TMTC2: variants seen among roughly 807,000 people sequenced by gnomAD.
TMTC2 encodes protein O-mannosyl-transferase TMTC2.
TMTC2 carries 43 observed loss-of-function variants against 82.4 expected under a neutral mutation model. The observed-to-expected ratio is 0.52, with a 90% CI of 0.41 to 0.67. The LOEUF (loss-of-function observed/expected upper bound fraction) is 0.67, where lower values mean the gene tolerates loss of function less well. Among genes scored for constraint, TMTC2 ranks in the 30% least tolerant of loss-of-function variants. The probability of loss-of-function intolerance (pLI) is 0.00; values close to 1 mark genes in which losing one functional copy is unlikely to be tolerated. For missense variants in TMTC2, 919 were observed against 1,012.4 expected, an observed-to-expected ratio of 0.91 and a Z score of 1.25; for synonymous variants, 408 against 381.9, an observed-to-expected ratio of 1.07 and a Z score of -0.80.
At chr12:82,900,546 G>A (rs1873928982) in intron 3 of TMTC2, among the ~76,000 whole-genome samples, 1 of 127,478 alleles carries the variant, frequency 7.8e-6, no homozygotes, top group Admixed American at 8.8e-5. Flanking sequence ...ATACATATCC[G>A]GAATATAGAT....
At chr12:82,750,084 G>A (rs973075671) in intron 1 of TMTC2, among the ~76,000 whole-genome samples, 1 of 151,990 alleles carries the variant, frequency 6.6e-6, no homozygotes, top group Non-Finnish European at 1.5e-5. Context: ...GAAGAGAAGG[G>A]TTCTCACAGA....
intron 1 of TMTC2, among the ~76,000 whole-genome samples, chr12:82,716,206 C>T (rs1016947996): frequency 1.3e-5 from 2 of 152,122 alleles, no homozygotes. Context: ...ATACTGTCTT[C>T]TAAAGAGCAA....
intron 11 of TMTC2, among the ~76,000 whole-genome samples, chr12:83,117,998 T>C (rs1388737310): frequency 1.3e-5 from 2 of 152,174 alleles, no homozygotes; most frequent in Non-Finnish European, 2.9e-5. Flanking sequence ...GAAGAGCTAC[T>C]GATTTGTGTA....
rs541323410 is a variant in TMTC2 at position 82,910,369 on chromosome 12, C to G, written c.1483+13723C>G. On this transcript the variant is annotated intron_variant, in intron 3 of 11. Coordinates refer to ENST00000321196, the MANE Select transcript of TMTC2 (RefSeq NM_152588.3). ...CTGATCAAACCTCTAGGGGAACATA[C>G]GGACAGGCAGGCTCCAACCCCAGGC... Among the ~76,000 whole-genome samples, 169 of 152,262 alleles carry G rather than the reference C, an allele frequency of 1.1e-3. 1 individual carries two copies. Among genetic ancestry groups the G allele is most frequent in the Non-Finnish European group, 1.9e-3 (128 of 68,024 alleles).
intron 8 of TMTC2, among the ~76,000 whole-genome samples, chr12:82,993,966 G>A (rs2137353080): frequency 6.8e-6 from 1 of 147,382 alleles, no homozygotes; most frequent in South Asian, 2.1e-4. Context: ...AATGCTTGCA[G>A]ACAGGATGCT....
intron 11 of TMTC2, among the ~76,000 whole-genome samples, chr12:83,092,453 C>T (rs959617886): frequency 2.6e-5 from 4 of 152,262 alleles, no homozygotes; most frequent in Middle Eastern, 3.4e-3. Context: ...ATTCAGGTCA[C>T]GTTTCATTGG....
intron 1 of TMTC2, among the ~76,000 whole-genome samples, chr12:82,793,724 A>G (rs1878572239): frequency 6.6e-6 from 1 of 152,096 alleles, no homozygotes; most frequent in Admixed American, 6.6e-5. Context: ...GGAGTTTTCA[A>G]GTTGGAACAC....
At chr12:82,798,596 A>G (rs1203144065) in intron 1 of TMTC2, among the ~76,000 whole-genome samples, 3 of 151,698 alleles carry the variant, frequency 2.0e-5, no homozygotes, top group Admixed American at 6.6e-5. Context: ...ACTTGAGTTC[A>G]GGAGTTTTGA....
intron 4 of TMTC2, among the ~76,000 whole-genome samples, chr12:82,963,416 T>G (rs1878029946): frequency 6.6e-6 from 1 of 151,900 alleles, no homozygotes; most frequent in African/African-American, 2.4e-5. Flanking sequence ...ATTTCTCCCC[T>G]GGTGCACTTA....
rs140051289 is a variant in TMTC2 at position 83,075,567 on chromosome 12, T to A, written c.2331+13736T>A. Among the ~76,000 whole-genome samples, 382 of 152,298 alleles carry A rather than the reference T, an allele frequency of 2.5e-3. 3 individuals are homozygous for A. Among genetic ancestry groups the A allele is most frequent in the African/African-American group, 8.8e-3 (365 of 41,572 alleles). ...GATATCATTGAAACAAGACCTTTGATCTTAGGTTTATTCACACTTACCCAA... is the reference window on the plus strand; with the variant it reads ...GATATCATTGAAACAAGACCTTTGAACTTAGGTTTATTCACACTTACCCAA... On this transcript the variant is annotated intron_variant, in intron 11 of 11. Coordinates refer to ENST00000321196, the MANE Select transcript of TMTC2 (RefSeq NM_152588.3).
chr12:82,985,037 C>T (rs1282315328), intron 7 of TMTC2, among the ~76,000 whole-genome samples: 2 of 151,714 alleles, frequency 1.3e-5, no homozygotes, highest in Non-Finnish European at 1.5e-5. Flanking sequence ...TTTTATTAAT[C>T]ATAATTTTAA....
intron 1 of TMTC2, among the ~76,000 whole-genome samples, chr12:82,809,644 T>C (rs983452221): frequency 6.6e-6 from 1 of 152,144 alleles, no homozygotes; most frequent in African/African-American, 2.4e-5. Flanking sequence ...TTTTTCGTAC[T>C]ATTTACCTAT....
chr12:82,690,938 T>A (rs1872546365), intron 1 of TMTC2, among the ~76,000 whole-genome samples: 1 of 152,170 alleles, frequency 6.6e-6, no homozygotes. Context: ...ACTTTTTTCT[T>A]ATCCTTTTTA....
intron 4 of TMTC2, among the ~76,000 whole-genome samples, chr12:82,960,070 TCGA>T (rs2137293657): frequency 6.6e-6 from 1 of 152,130 alleles, no homozygotes; most frequent in East Asian, 1.9e-4. Flanking sequence ...TAAAAAATGC[TCGA>T]CATCACTCAT....
chr12:83,008,002 T>C (rs1190479895), intron 8 of TMTC2, among the ~76,000 whole-genome samples: 4 of 152,216 alleles, frequency 2.6e-5, no homozygotes, highest in Admixed American at 6.5e-5. Flanking sequence ...CGCAACCTTA[T>C]CCATAGGTAA....
At chr12:82,948,414 A>T (rs576379737) in intron 4 of TMTC2, among the ~76,000 whole-genome samples, 36 of 152,230 alleles carry the variant, frequency 2.4e-4, no homozygotes, top group Non-Finnish European at 4.6e-4. Flanking sequence ...TTTTCTTCTA[A>T]TTCTGAAGTA....
intron 8 of TMTC2, among the ~76,000 whole-genome samples, chr12:83,017,572 A>C (rs1880729876): frequency 6.6e-6 from 1 of 152,276 alleles, no homozygotes; most frequent in East Asian, 1.9e-4. Context: ...TGAACTACAC[A>C]GTTGATTTTA....
chr12:82,688,484 G>A (rs1436415341), intron 1 of TMTC2, among the ~76,000 whole-genome samples: 2 of 152,094 alleles, frequency 1.3e-5, no homozygotes, highest in African/African-American at 4.8e-5. Flanking sequence ...CCGTTGTGTT[G>A]GTGTCTCTTC....
chr12:82,744,577 ACT>A (rs1875587038), intron 1 of TMTC2, among the ~76,000 whole-genome samples: 2 of 140,784 alleles, frequency 1.4e-5, no homozygotes, highest in African/African-American at 2.6e-5. Flanking sequence ...AGAGACTCTG[ACT>A]CTAAAAAAAA....
Sources: allele counts gnomAD v4.1 joint callset (sites outside exome capture counted in the v4.1 genomes callset), GRCh38; gene constraint gnomAD v4.1.1; transcripts MANE v1.5; gene names NCBI Gene and HGNC (gene_info 2026-07-23, HGNC 2026-07-21).